The following TMEFF2 variants were observed in gnomAD, a reference collection of about 807,000 sequenced individuals.
TMEFF2 encodes tomoregulin-2.
In TMEFF2, 28 loss-of-function variants were observed where a neutral mutation model predicts 53.8. The observed-to-expected ratio is 0.52, with a 90% CI of 0.39 to 0.71. The LOEUF is 0.71. TMEFF2 is among the 30% of genes least tolerant of loss of function. TMEFF2 has a pLI of 0.00. For synonymous variants in TMEFF2, 162 were observed against 166.3 expected (o/e 0.97, Z 0.20); for missense variants, 353 against 455.2 (o/e 0.78, Z 2.04).
At chr2:192,160,890 A>G (rs1283406873) in intron 4 of TMEFF2, among the ~76,000 whole-genome samples, 2 of 152,200 alleles carry the variant, frequency 1.3e-5, no homozygotes, top group African/African-American at 2.4e-5. Flanking sequence ...TATGTAGAGG[A>G]AAGAGAGGAG....
intron 4 of TMEFF2, among the ~76,000 whole-genome samples, chr2:192,063,540 A>G (rs1387477288): frequency 6.6e-6 from 1 of 151,880 alleles, no homozygotes; most frequent in African/African-American, 2.4e-5. Context: ...CTAGTGTGGA[A>G]TGATTTTCTA....
intron 5 of TMEFF2, chr2:192,031,818 T>A (rs1290735043): frequency 6.6e-6 from 1 of 152,196 alleles, no homozygotes; most frequent in Non-Finnish European, 1.5e-5. Context: ...TCAAGGAAGA[T>A]GACCCACAGC....
At chr2:192,153,701 A>G (rs937655187) in intron 4 of TMEFF2, among the ~76,000 whole-genome samples, 7 of 151,894 alleles carry the variant, frequency 4.6e-5, no homozygotes, top group African/African-American at 1.7e-4. Flanking sequence ...AAAGCATATT[A>G]CAGGCTGTCT....
At chr2:192,079,072 A>G (rs2356758) in intron 4 of TMEFF2, among the ~76,000 whole-genome samples, 67,617 of 152,074 alleles carry the variant, frequency 0.44, 15,883 homozygotes, top group East Asian at 0.55. Flanking sequence ...TTGGCTGAGC[A>G]CCTTCAACCG....
At chr2:192,128,844 G>C (rs532005797) in intron 4 of TMEFF2, among the ~76,000 whole-genome samples, 1 of 152,304 alleles carries the variant, frequency 6.6e-6, no homozygotes, top group African/African-American at 2.4e-5. Context: ...GGAGGCTGTT[G>C]CTCACAGAAA....
chr2:192,143,066 G>C (rs867525254), intron 4 of TMEFF2, among the ~76,000 whole-genome samples: 5 of 152,094 alleles, frequency 3.3e-5, no homozygotes, highest in African/African-American at 9.7e-5. Flanking sequence ...TAGCATGTAT[G>C]GATTCAAATT....
intron 4 of TMEFF2, among the ~76,000 whole-genome samples, chr2:192,154,711 G>A (rs1040695314): frequency 1.3e-5 from 2 of 151,810 alleles, no homozygotes; most frequent in Admixed American, 6.6e-5. Context: ...TCAGGTGATC[G>A]CCAAGGGACT....
chr2:192,064,253 ATTAC>A (rs1319424402), intron 4 of TMEFF2, among the ~76,000 whole-genome samples: 1 of 151,730 alleles, frequency 6.6e-6, no homozygotes, highest in Non-Finnish European at 1.5e-5. Flanking sequence ...AAATTATTCT[ATTAC>A]TTCATGAAAA....
chr2:192,137,747 A>G (rs1574407438), intron 4 of TMEFF2, among the ~76,000 whole-genome samples: 1 of 149,184 alleles, frequency 6.7e-6, no homozygotes, highest in Non-Finnish European at 1.5e-5. Flanking sequence ...CTATCTATAT[A>G]TCTACTTATA....
chr2:192,047,510 A>T, intron 5 of TMEFF2, among the ~76,000 whole-genome samples: 1 of 152,332 alleles, frequency 6.6e-6, no homozygotes, highest in African/African-American at 2.4e-5. Context: ...CAATAAATAA[A>T]AGAGAGCTGT....
rs1687707186 is a variant in TMEFF2, at chr2:192,049,371, A to G, written c.536+8308T>C. Among the ~76,000 whole-genome samples, 9 of 152,314 alleles carry G rather than the reference A, an allele frequency of 5.9e-5. No individual in the cohort carries two copies. The South Asian group carries it at 1.7e-3, about 28-fold the overall frequency. On this transcript the variant is annotated intron_variant, in intron 5 of 9. Transcript: ENST00000272771. ...TGAGAATTACTAGTGTATTACATTCATAAGACTGTGGTGAGGATTAAATGG... is the reference window on the plus strand; with the variant it reads ...TGAGAATTACTAGTGTATTACATTCGTAAGACTGTGGTGAGGATTAAATGG...
intron 4 of TMEFF2, among the ~76,000 whole-genome samples, chr2:192,073,819 A>G (rs1415738988): frequency 6.6e-6 from 1 of 152,036 alleles, no homozygotes; most frequent in African/African-American, 2.4e-5. Context: ...TATCTAATAT[A>G]TTCTTGGTAA....
chr2:192,056,774 G>T (rs548996127), intron 5 of TMEFF2, among the ~76,000 whole-genome samples: 6 of 152,170 alleles, frequency 3.9e-5, no homozygotes, highest in Middle Eastern at 3.4e-3. Flanking sequence ...GGTTATGGGG[G>T]TGAAGCCTTC....
At chr2:192,116,575 A>G (rs1260098139) in intron 4 of TMEFF2, among the ~76,000 whole-genome samples, 4 of 152,120 alleles carry the variant, frequency 2.6e-5, no homozygotes, top group African/African-American at 9.6e-5. Context: ...ATATACTAAT[A>G]TTAGTCACTG....
chr2:192,103,120 T>G (rs760076579), intron 4 of TMEFF2, among the ~76,000 whole-genome samples: 4 of 152,216 alleles, frequency 2.6e-5, no homozygotes, highest in Non-Finnish European at 4.4e-5. Context: ...TCAATGATAC[T>G]CACTGTCCTA....
At chr2:192,023,317 C>T (rs1392299528) in intron 5 of TMEFF2, among the ~76,000 whole-genome samples, 3 of 152,074 alleles carry the variant, frequency 2.0e-5, no homozygotes, top group Non-Finnish European at 4.4e-5. Flanking sequence ...CCTCTTCTGC[C>T]TGTAGCATTT....
At chr2:191,975,108 A>G (rs1037027598) in intron 7 of TMEFF2, among the ~76,000 whole-genome samples, 3 of 151,822 alleles carry the variant, frequency 2.0e-5, no homozygotes, top group Admixed American at 2.0e-4. Flanking sequence ...TTTTGATGAC[A>G]TAGAAAATGA....
chr2:192,017,825 C>A (rs1686775950), intron 5 of TMEFF2, among the ~76,000 whole-genome samples: 1 of 152,160 alleles, frequency 6.6e-6, no homozygotes, highest in Admixed American at 6.5e-5. Context: ...CTCATAGGCA[C>A]CATAAACTAA....
At chr2:191,957,558 C>G (rs563835683) in intron 7 of TMEFF2, among the ~76,000 whole-genome samples, 1 of 152,166 alleles carries the variant, frequency 6.6e-6, no homozygotes, top group African/African-American at 2.4e-5. Flanking sequence ...GCGAATCAGA[C>G]AAATCTATTA....
Sources: gnomAD v4.1 joint callset for allele counts (sites outside exome capture counted in the v4.1 genomes callset) on GRCh38, gnomAD v4.1.1 for gene constraint, MANE v1.5 for transcripts, NCBI Gene and HGNC (gene_info 2026-07-23, HGNC 2026-07-21) for gene names.